Variants in AMPH observed in about 807,000 individuals in gnomAD.
AMPH encodes amphiphysin.
Under a neutral mutation model 99.1 loss-of-function variants are expected in AMPH, and 49 were observed. The ratio of observed to expected loss-of-function variants is 0.49; its 90% CI spans 0.39 to 0.63. The LOEUF (loss-of-function observed/expected upper bound fraction) is 0.63. AMPH is among the 20% of genes least tolerant of loss of function. The pLI is 0.00. For synonymous variants in AMPH, 314 were observed against 317.3 expected (o/e 0.99, Z 0.11); for missense variants, 759 against 863.4 (o/e 0.88, Z 1.52).
chr7:38,618,366 G>T (rs1793945070), intron 1 of AMPH, among the ~76,000 whole-genome samples: 1 of 151,212 alleles, frequency 6.6e-6, no homozygotes, highest in Non-Finnish European at 1.5e-5. Flanking sequence ...AAAAAAATTA[G>T]CCACGCGTGG....
At chr7:38,455,366 C>A (rs1220951033) in intron 11 of AMPH, among the ~76,000 whole-genome samples, 2 of 152,180 alleles carry the variant, frequency 1.3e-5, no homozygotes, top group African/African-American at 4.8e-5. Context: ...CCACTGCGCC[C>A]AGCCTACAAT....
chr7:38,630,868 G>C (rs927154755), intron 1 of AMPH, among the ~76,000 whole-genome samples: 1 of 152,168 alleles, frequency 6.6e-6, no homozygotes, highest in Non-Finnish European at 1.5e-5. Context: ...GCGTCCCCGC[G>C]AGCTGCCTGC....
chr7:38,417,987 T>C, intron 16 of AMPH, 37 bp from the exon 17 acceptor site: 1 of 1,603,974 alleles, frequency 6.2e-7, no homozygotes, highest in Non-Finnish European at 8.5e-7. Flanking sequence ...AGGAAAAAGA[T>C]TCAACAGGTA....
intron 1 of AMPH, among the ~76,000 whole-genome samples, chr7:38,606,751 T>C (rs1032281533): frequency 6.6e-6 from 1 of 151,934 alleles, no homozygotes; most frequent in Non-Finnish European, 1.5e-5. Flanking sequence ...TTTTTAAACT[T>C]TTTTGTAGAG....
At chr7:38,604,267 C>T (rs142656086) in intron 1 of AMPH, among the ~76,000 whole-genome samples, 9 of 152,290 alleles carry the variant, frequency 5.9e-5, no homozygotes, top group South Asian at 2.1e-4. Flanking sequence ...ATCTAGAAAA[C>T]GAATAATCAT....
chr7:38,518,452 G>C (rs1401238115), intron 2 of AMPH, among the ~76,000 whole-genome samples: 5 of 152,180 alleles, frequency 3.3e-5, no homozygotes, highest in Non-Finnish European at 2.9e-5. Context: ...GGCCATGGGG[G>C]CCCAACCCCA....
chr7:38,501,798 T>C (rs1026091066), intron 3 of AMPH, among the ~76,000 whole-genome samples: 3 of 97,326 alleles, frequency 3.1e-5, no homozygotes, highest in Non-Finnish European at 6.7e-5. Context: ...AATAAATAAA[T>C]AAATAAAAGA....
chr7:38,566,506 A>T (rs192736097), intron 1 of AMPH, among the ~76,000 whole-genome samples: 273 of 152,326 alleles, frequency 1.8e-3, no homozygotes, highest in Middle Eastern at 0.01. Context: ...TCATGACTAA[A>T]ACACAAAAAG....
At chr7:38,562,579 A>G (rs1170303626) in intron 1 of AMPH, among the ~76,000 whole-genome samples, 1 of 152,072 alleles carries the variant, frequency 6.6e-6, no homozygotes, top group Non-Finnish European at 1.5e-5. Context: ...GGCTGGTAAG[A>G]CTCACAGTCT....
At chr7:38,544,347 A>T (rs1790918733) in intron 1 of AMPH, among the ~76,000 whole-genome samples, 1 of 152,238 alleles carries the variant, frequency 6.6e-6, no homozygotes, top group Non-Finnish European at 1.5e-5. Flanking sequence ...CAAAGAGGAC[A>T]TCCCCTCCTT....
At chr7:38,490,440 C>T (rs920224074) in intron 5 of AMPH, among the ~76,000 whole-genome samples, 1 of 152,098 alleles carries the variant, frequency 6.6e-6, no homozygotes, top group Admixed American at 6.5e-5. Flanking sequence ...ATATTCAATC[C>T]TTCACTTGTC....
chr7:38,466,407 C>T (rs1787654652), intron 7 of AMPH, among the ~76,000 whole-genome samples, 159 bp from the exon 8 acceptor site: 1 of 152,282 alleles, frequency 6.6e-6, no homozygotes, highest in South Asian at 2.1e-4. Flanking sequence ...GCAAGCCCAA[C>T]ATTTCCTCAT....
intron 17 of AMPH, among the ~76,000 whole-genome samples, chr7:38,417,096 T>C (rs1048945551): frequency 3.3e-5 from 5 of 152,212 alleles, no homozygotes; most frequent in Non-Finnish European, 5.9e-5. Flanking sequence ...ATTTCATAAA[T>C]AAATGACTTT....
intron 1 of AMPH, among the ~76,000 whole-genome samples, chr7:38,630,397 T>C (rs1314830294): frequency 6.6e-6 from 1 of 152,198 alleles, no homozygotes; most frequent in African/African-American, 2.4e-5. Context: ...TGCTTTGGGC[T>C]GTGCTTGCTA....
At chr7:38,612,084 C>CTTTTTTTTTTTTT (rs777855014) in intron 1 of AMPH, among the ~76,000 whole-genome samples, 2 of 90,860 alleles carry the variant, frequency 2.2e-5, no homozygotes, top group African/African-American at 4.5e-5. Flanking sequence ...TTTTTGTCTT[C>CTTTTTTTTTTTTT]TTCTTTTTTT....
At chr7:38,609,117 A>G (rs1793535527) in intron 1 of AMPH, among the ~76,000 whole-genome samples, 1 of 152,142 alleles carries the variant, frequency 6.6e-6, no homozygotes, top group African/African-American at 2.4e-5. Flanking sequence ...CACAAGGCGG[A>G]GGGAGGGGCC....
At chr7:38,551,213 A>C (rs541698625) in intron 1 of AMPH, among the ~76,000 whole-genome samples, 1 of 152,264 alleles carries the variant, frequency 6.6e-6, no homozygotes, top group African/African-American at 2.4e-5. Context: ...ATGACTTTTT[A>C]CATAAAATAA....
chr7:38,568,987 A>G (rs1204632015), intron 1 of AMPH, among the ~76,000 whole-genome samples: 1 of 152,204 alleles, frequency 6.6e-6, no homozygotes, highest in South Asian at 2.1e-4. Context: ...GAGAGGCACA[A>G]GGTAACATCT....
rs1386855977 is a variant in AMPH at position 38,386,857 on chromosome 7, TA to T, written c.1981-1933del. Among the ~76,000 whole-genome samples, 4 of 152,342 alleles carry T rather than the reference TA, an allele frequency of 2.6e-5. No homozygotes were observed. In the East Asian group the frequency reaches 7.7e-4, roughly 29 times the overall value. ...GTAGAGAACTGCAAGGGGTGAGATC[TA>T]TGCTGATACAGCTTTTCCCCTGAGG... On this transcript the variant is annotated intron_variant, in intron 20 of 20. Coordinates refer to ENST00000356264, the MANE Select transcript of AMPH (RefSeq NM_001635.4).
Sources: gnomAD v4.1 joint callset for allele counts (sites outside exome capture counted in the v4.1 genomes callset) on GRCh38, gnomAD v4.1.1 for gene constraint, MANE v1.5 for transcripts, NCBI Gene and HGNC (gene_info 2026-07-23, HGNC 2026-07-21) for gene names.